Variants in PHF2 observed in about 807,000 individuals in gnomAD.
PHF2 encodes lysine-specific demethylase PHF2.
In PHF2, 27 loss-of-function variants were observed where a neutral mutation model predicts 120.5. The ratio of observed to expected loss-of-function variants is 0.22; its 90% CI spans 0.17 to 0.31. The LOEUF is 0.31. Ranked by LOEUF, PHF2 falls within the 10% of genes least tolerant of loss-of-function variation. PHF2 has a pLI of 1.00. For missense variants in PHF2, 1,024 were observed against 1,434.8 expected, an observed-to-expected ratio of 0.71 and a Z score of 4.63; for synonymous variants, 568 against 592.5, an observed-to-expected ratio of 0.96 and a Z score of 0.60.
Position 93,660,877 on chromosome 9 carries a change from C to T in PHF2, c.1698+317C>T, listed in dbSNP as rs371287242. On this transcript the variant is annotated intron_variant, in intron 12 of 21. Coordinates refer to ENST00000359246, the MANE Select transcript of PHF2 (RefSeq NM_005392.4). ...GCAACACAATGTGTGTGTGCTGTGG[C>T]AGAGGTGGCACCCAAGAGGGCCACC... Among the ~76,000 whole-genome samples the T allele has an allele frequency of 7.2e-5, 11 of 152,312 alleles. No homozygotes were observed. In the East Asian group the frequency reaches 1.9e-3, roughly 27 times the overall value.
At position 93,677,600 on chromosome 9, in the gene PHF2, A is replaced by G; in HGVS notation, c.3215A>G (p.Lys1072Arg). 1.9e-6 allele frequency: 3 copies of G among 1,613,808 alleles called. No individual in the cohort carries two copies. The highest frequency in any genetic ancestry group is 2.2e-5 in the East Asian group (1 of 44,834). Residue 1072 changes from lysine to arginine, a missense_variant, in exon 22 of 22, where the codon AAA becomes AGA. This residue lies in a region of PHF2 where 677 missense variants were observed against 857.4 expected (regional missense o/e 0.79). Transcript: ENST00000359246. The surrounding 1 kb of genome is among the most constrained non-coding windows in gnomAD (Gnocchi z 4.4). Reference sequence around the variant, plus strand: ...CCGACTCCCCTAGGAAAACGTACGAAAAAGGGCATGGCGACCGCCAAGCAG... The same window carrying G: ...CCGACTCCCCTAGGAAAACGTACGAGAAAGGGCATGGCGACCGCCAAGCAG... The part of the protein sequence containing the change: ...NNTAAKGKRT[K>R]KGMATAKQRL...
intron 17 of PHF2, among the ~76,000 whole-genome samples, chr9:93,673,194 G>T (rs953680042): frequency 1.3e-5 from 2 of 151,918 alleles, no homozygotes; most frequent in East Asian, 3.9e-4. Context: ...GACCGAGGGG[G>T]TACACAGAGT....
intron 3 of PHF2, among the ~76,000 whole-genome samples, chr9:93,637,386 T>A (rs540661505): frequency 1.3e-5 from 2 of 152,232 alleles, no homozygotes; most frequent in East Asian, 3.8e-4. Flanking sequence ...TTCACAGATA[T>A]GTGCACATCA....
rs779132087 is a variant in PHF2 at position 93,660,280 on chromosome 9, C to T, written c.1418C>T (p.Pro473Leu). The change falls in exon 12 of 22, where the codon CCG (proline) becomes CTG (leucine). Residue 473 changes from proline (P) to leucine (L), a missense_variant. Around this residue, in one of 2 missense-constraint regions of PHF2, gnomAD observed 677 missense variants for 857.4 expected, o/e 0.79. Transcript: ENST00000359246. The part of the protein sequence containing the change: ...CDGDREKEEP[P>L]SPIEATPPQS... ...GGGGACCGGGAGAAGGAGGAGCCCC[C>T]GTCTCCCATTGAGGCCACCCCGCCT... 34 of 1,610,512 alleles carry T rather than the reference C, an allele frequency of 2.1e-5. No homozygotes were observed. Among genetic ancestry groups the T allele is most frequent in the Non-Finnish European group, 2.5e-5 (30 of 1,178,834 alleles).
chr9:93,650,794 C>T (rs1826356609), intron 5 of PHF2, among the ~76,000 whole-genome samples: 1 of 152,234 alleles, frequency 6.6e-6, no homozygotes, highest in Non-Finnish European at 1.5e-5. Flanking sequence ...CCAGAACACT[C>T]ACTCACCGTA....
intron 1 of PHF2, among the ~76,000 whole-genome samples, chr9:93,577,419 G>C (rs1250997713): frequency 6.6e-6 from 1 of 151,998 alleles, no homozygotes; most frequent in East Asian, 2.0e-4. Flanking sequence ...GCTCCGGCGA[G>C]GTGGCAGCCG....
intron 2 of PHF2, among the ~76,000 whole-genome samples, chr9:93,633,179 T>C (rs1826028657): frequency 1.3e-5 from 2 of 152,192 alleles, no homozygotes; most frequent in African/African-American, 4.8e-5. Flanking sequence ...CCTCACAGTT[T>C]GTCCCCTCTT....
At chr9:93,633,565 G>A (rs1385590192) in intron 2 of PHF2, among the ~76,000 whole-genome samples, 2 of 152,220 alleles carry the variant, frequency 1.3e-5, no homozygotes, top group Non-Finnish European at 1.5e-5. Context: ...GTGGCTCTGG[G>A]ATAGGGCGCC....
chr9:93,611,901 T>G (rs546998558), intron 1 of PHF2, among the ~76,000 whole-genome samples: 1 of 152,302 alleles, frequency 6.6e-6, no homozygotes, highest in East Asian at 1.9e-4. Flanking sequence ...TTGTCTCCAG[T>G]GAGAAGCTTG....
intron 18 of PHF2, among the ~76,000 whole-genome samples, chr9:93,674,328 C>T (rs1215824808): frequency 6.6e-6 from 1 of 152,140 alleles, no homozygotes; most frequent in African/African-American, 2.4e-5. Context: ...TCATGCCCTA[C>T]AGTGTCCCCT....
intron 4 of PHF2, 40 bp from the exon 5 acceptor site, chr9:93,649,031 C>T: frequency 6.5e-7 from 1 of 1,548,760 alleles, no homozygotes; most frequent in South Asian, 1.2e-5. Context: ...GGCTGTGCCG[C>T]CTTCCCAGGG....
chr9:93,650,587 G>C (rs148601300), intron 5 of PHF2, among the ~76,000 whole-genome samples: 16 of 152,238 alleles, frequency 1.1e-4, no homozygotes, highest in African/African-American at 3.9e-4. Flanking sequence ...GTCACTGGGT[G>C]GGGCATCCTC....
intron 1 of PHF2, among the ~76,000 whole-genome samples, chr9:93,599,292 G>C (rs987287155): frequency 2.6e-5 from 4 of 152,214 alleles, no homozygotes; most frequent in African/African-American, 9.6e-5. Flanking sequence ...GCAGGGATTA[G>C]GTGGCACTGG....
rs1166235725 is a variant in PHF2, at chr9:93,643,339, A to G, written c.300-2290A>G. On this transcript the variant is annotated intron_variant, in intron 3 of 21. Transcript: ENST00000359246. Reference sequence around the variant, plus strand: ...TTGGCATTGGGATTCATCAAGGACAATTTTCTGCCTGTGGCCCAGGTGGAT... The same window carrying G: ...TTGGCATTGGGATTCATCAAGGACAGTTTTCTGCCTGTGGCCCAGGTGGAT... 4.6e-5 allele frequency among the ~76,000 whole-genome samples: 7 copies of G among 152,026 alleles called. No homozygotes were observed. The East Asian group carries it at 7.7e-4, about 17-fold the overall frequency.
chr9:93,604,336 CTTT>C (rs1171344507), intron 1 of PHF2, among the ~76,000 whole-genome samples: 5 of 131,718 alleles, frequency 3.8e-5, no homozygotes, highest in Admixed American at 1.5e-4. Context: ...AGCGAGACTT[CTTT>C]TTTTTTTTTT....
intron 1 of PHF2, among the ~76,000 whole-genome samples, chr9:93,586,732 A>G (rs1230361980): frequency 2.0e-5 from 3 of 152,232 alleles, no homozygotes; most frequent in Admixed American, 1.3e-4. Context: ...CACGTCCCTC[A>G]GTCTGTCCAT....
intron 1 of PHF2, among the ~76,000 whole-genome samples, chr9:93,603,777 A>G (rs1365331371): frequency 6.6e-6 from 1 of 152,164 alleles, no homozygotes; most frequent in Non-Finnish European, 1.5e-5. Context: ...GGGAAGCCTC[A>G]TTCATCTGTC....
chr9:93,652,823 C>T (rs539277156), intron 5 of PHF2, among the ~76,000 whole-genome samples: 5 of 152,310 alleles, frequency 3.3e-5, no homozygotes, highest in African/African-American at 4.8e-5. Context: ...ATGATATCTA[C>T]GCTTCAGCCC....
intron 1 of PHF2, among the ~76,000 whole-genome samples, chr9:93,620,716 T>C (rs774791439): frequency 3.9e-5 from 6 of 152,262 alleles, no homozygotes; most frequent in Admixed American, 1.3e-4. Context: ...TGTTACCTAG[T>C]CTCCTTCAGA....
Sources: gnomAD v4.1 joint callset for allele counts (sites outside exome capture counted in the v4.1 genomes callset) on GRCh38, gnomAD v4.1.1 for gene constraint, gnomAD v4.1.1 regional missense constraint, Gnocchi (gnomAD v3.1) non-coding constraint, MANE v1.5 for transcripts, NCBI Gene and HGNC (gene_info 2026-07-23, HGNC 2026-07-21) for gene names.